ATRX: variants seen among roughly 807,000 people sequenced by gnomAD.
ATRX encodes chromatin remodeler ATRX.
Under a neutral mutation model 172.6 loss-of-function variants are expected in ATRX, and 12 were observed. The observed-to-expected ratio is 0.07, with a 90% CI of 0.04 to 0.11. The LOEUF (loss-of-function observed/expected upper bound fraction) is 0.11. Among genes scored for constraint, ATRX ranks in the 10% least tolerant of loss-of-function variants. The pLI, the probability that ATRX is intolerant of heterozygous loss-of-function variation, is 1.00. For missense variants in ATRX, 1,368 were observed against 1,767.4 expected, an observed-to-expected ratio of 0.77 and a Z score of 4.05; for synonymous variants, 674 against 594.7, an observed-to-expected ratio of 1.13 and a Z score of -1.94.
chrX:77,658,491 A>G (rs923953827), intron 12 of ATRX, among the ~76,000 whole-genome samples: 2 of 112,296 alleles, frequency 1.8e-5, no homozygotes, highest in African/African-American at 3.2e-5. Flanking sequence ...ATCATAGAGC[A>G]GAAAGAAAAC....
intron 26 of ATRX, among the ~76,000 whole-genome samples, chrX:77,591,941 G>C (rs2066271793): frequency 8.9e-6 from 1 of 111,792 alleles, no homozygotes; most frequent in Admixed American, 9.5e-5. Context: ...ACTCAGAGAA[G>C]TCTTACAGTA....
At chrX:77,757,072 C>T (rs1488474691) in intron 1 of ATRX, among the ~76,000 whole-genome samples, 1 of 111,564 alleles carries the variant, frequency 9.0e-6, no homozygotes. Context: ...AGGCATGAAC[C>T]ACTGCACCCG....
chrX:77,773,092 T>A (rs1338944893), intron 1 of ATRX, among the ~76,000 whole-genome samples: 167 of 37,246 alleles, frequency 4.5e-3, no homozygotes, highest in East Asian at 6.5e-3. Context: ...AAATTTCAGC[T>A]AAAAAAAAAA....
chrX:77,539,276 G>A (rs1213283160), intron 30 of ATRX, among the ~76,000 whole-genome samples: 1 of 111,069 alleles, frequency 9.0e-6, no homozygotes, highest in Admixed American at 9.6e-5. Context: ...AGGAGTAAAT[G>A]AGACAATGTA....
chrX:77,570,344 ATTT>A (rs1218429297), intron 28 of ATRX, among the ~76,000 whole-genome samples: 1 of 100,554 alleles, frequency 9.9e-6, no homozygotes, highest in Non-Finnish European at 2.0e-5. Context: ...ATGCCTGGGT[ATTT>A]TTTTTTTTTT....
chrX:77,624,746 G>A (rs1032232324), intron 19 of ATRX, among the ~76,000 whole-genome samples: 2 of 111,856 alleles, frequency 1.8e-5, no homozygotes, highest in Admixed American at 1.9e-4. Context: ...AATCATAGGC[G>A]ACACAAACAA....
rs782345233 is a variant in ATRX, at chrX:77,753,808, T to A, written c.20+32174A>T. Among the ~76,000 whole-genome samples the A allele has an allele frequency of 2.7e-5, 3 of 111,997 alleles. No individual in the cohort carries two copies. The East Asian group carries it at 8.4e-4, about 31-fold the overall frequency. The stretch of plus-strand genomic sequence containing the variant: ...AGTGTGATGTGCTGAGAAGAACGTA[T>A]ATTCTGTTGATCTGTGGTAGAGAGT... On this transcript the variant is annotated intron_variant, in intron 1 of 34. Transcript: ENST00000373344.
intron 19 of ATRX, among the ~76,000 whole-genome samples, chrX:77,626,856 T>C (rs1275566436): frequency 1.8e-5 from 2 of 112,489 alleles, no homozygotes; most frequent in African/African-American, 6.5e-5. Context: ...TTAAAAGAAC[T>C]ATTTGTTGGC....
intron 15 of ATRX, among the ~76,000 whole-genome samples, chrX:77,643,571 C>A (rs1400043370): frequency 9.0e-6 from 1 of 110,707 alleles, no homozygotes; most frequent in Non-Finnish European, 1.9e-5. Context: ...TAGGTGTGCA[C>A]CACCACGCCC....
intron 27 of ATRX, among the ~76,000 whole-genome samples, chrX:77,578,744 T>C (rs1373584726): frequency 2.7e-5 from 3 of 112,200 alleles, no homozygotes. Context: ...AGGCTCTTCC[T>C]GTTTGAGAAA....
intron 19 of ATRX, among the ~76,000 whole-genome samples, chrX:77,630,731 T>C (rs1196261574): frequency 9.0e-6 from 1 of 111,125 alleles, no homozygotes; most frequent in African/African-American, 3.3e-5. Flanking sequence ...TATACAAAAA[T>C]AAACTGAAAA....
chrX:77,696,642 G>A lies in ATRX; in HGVS notation c.305C>T (p.Thr102Ile). 8.3e-7 allele frequency: 1 copy of A among 1,199,648 alleles called. No individual in the cohort carries two copies. The highest frequency in any genetic ancestry group is 1.8e-5 in the South Asian group (1 of 56,515). Reference sequence around the variant, plus strand: ...TTCATTAGACGCATCTTCATTTACAGTTTCATCATCCAAAGGTTTTTCATC... The same window carrying A: ...TTCATTAGACGCATCTTCATTTACAATTTCATCATCCAAAGGTTTTTCATC... ...SDDEKPLDDETVNEDASNENS... is the reference protein window; with the variant it reads ...SDDEKPLDDEIVNEDASNENS... Residue 102 changes from threonine to isoleucine, a missense_variant, in exon 5 of 35, where the codon ACT becomes ATT. Around this residue, in one of 17 missense-constraint regions of ATRX, gnomAD observed 84 missense variants for 82.8 expected, o/e 1.01. Coordinates refer to ENST00000373344, the MANE Select transcript of ATRX (RefSeq NM_000489.6).
intron 15 of ATRX, among the ~76,000 whole-genome samples, chrX:77,638,709 A>G (rs1365810956): frequency 8.9e-6 from 1 of 112,858 alleles, no homozygotes; most frequent in African/African-American, 3.2e-5. Flanking sequence ...GCAGTAAATT[A>G]TCTGAATAGA....
intron 30 of ATRX, among the ~76,000 whole-genome samples, chrX:77,540,909 A>T (rs1436225393): frequency 1.8e-5 from 2 of 111,683 alleles, no homozygotes; most frequent in African/African-American, 6.5e-5. Flanking sequence ...TAAAAGAACT[A>T]GAGAAGCAAG....
rs781914004 is a variant in ATRX, at chrX:77,672,155, C to T, written c.3809+4071G>A. On this transcript the variant is annotated intron_variant, in intron 10 of 34. Transcript: ENST00000373344. ...AACAAGTAAAATACTTAATTTAAAACGCCACCTTTGTTTTTCAAGTACAAT... is the reference window on the plus strand; with the variant it reads ...AACAAGTAAAATACTTAATTTAAAATGCCACCTTTGTTTTTCAAGTACAAT... Among the ~76,000 whole-genome samples the T allele has an allele frequency of 2.3e-4, 26 of 110,697 alleles. No homozygotes were observed. In the South Asian group the frequency reaches 3.4e-3, roughly 14 times the overall value.
chrX:77,536,667 A>G lies in ATRX; in HGVS notation c.6700-13266T>C, dbSNP rs138263455. On this transcript the variant is annotated intron_variant, in intron 30 of 34. Transcript: ENST00000373344. The stretch of plus-strand genomic sequence containing the variant: ...AATGGGGAAAAAAATTAAAGGACGT[A>G]TAGCTTTGTTTCCCAGGTTTCTCTC... Among the ~76,000 whole-genome samples, 910 of 112,212 alleles carry G rather than the reference A, an allele frequency of 8.1e-3. 13 individuals carry two copies. Among genetic ancestry groups the G allele is most frequent in the African/African-American group, 0.028 (872 of 30,914 alleles).
chrX:77,618,984 A>G lies in ATRX; in HGVS notation c.5273-3T>C. 2 of 1,126,008 alleles carry G rather than the reference A, an allele frequency of 1.8e-6. No individual in the cohort carries two copies. The highest frequency in any genetic ancestry group is 2.4e-6 in the Non-Finnish European group (2 of 820,786). The allele number at this position is 1,126,008 out of a possible 1,213,427, so 92.8% of individuals were successfully genotyped here. On this transcript the variant is annotated splice_region_variant and splice_polypyrimidine_tract_variant and intron_variant, in intron 20 of 34. Coordinates refer to ENST00000373344, the MANE Select transcript of ATRX (RefSeq NM_000489.6). ...GATAAAATTAACCATACAATGATCT[A>G]AGAGAGAAGACATTATTCATTAACA...
chrX:77,593,642 A>C (rs1312477823), intron 26 of ATRX, 54 bp downstream of exon 26: 1 of 1,092,319 alleles, frequency 9.2e-7, no homozygotes, highest in African/African-American at 1.8e-5. Flanking sequence ...TGTTTAAGCA[A>C]TAAAAACATA....
chrX:77,608,475 C>G (rs1557092184), intron 22 of ATRX, among the ~76,000 whole-genome samples: 1 of 110,675 alleles, frequency 9.0e-6, no homozygotes, highest in Non-Finnish European at 1.9e-5. Flanking sequence ...GTGCCATGAA[C>G]ATGCACTGGG....
Sources: allele counts gnomAD v4.1 joint callset (sites outside exome capture counted in the v4.1 genomes callset), GRCh38; gene constraint gnomAD v4.1.1; regional missense constraint gnomAD v4.1.1; transcripts MANE v1.5; gene names NCBI Gene and HGNC (gene_info 2026-07-23, HGNC 2026-07-21).